BMPR1B: variants seen among roughly 807,000 people sequenced by gnomAD.
The protein encoded by BMPR1B is bone morphogenetic protein receptor type-1B.
Under a neutral mutation model 59.1 loss-of-function variants are expected in BMPR1B, and 12 were observed. The ratio of observed to expected loss-of-function variants is 0.20; its 90% CI spans 0.13 to 0.33. BMPR1B has a LOEUF of 0.33. Ranked by LOEUF, BMPR1B falls within the 10% of genes least tolerant of loss-of-function variation. The probability of loss-of-function intolerance (pLI) is 1.00; values close to 1 mark genes in which losing one functional copy is unlikely to be tolerated. For missense variants in BMPR1B, 550 were observed against 610.9 expected, an observed-to-expected ratio of 0.90 and a Z score of 1.05; for synonymous variants, 237 against 207.3, an observed-to-expected ratio of 1.14 and a Z score of -1.23.
Position 94,795,038 on chromosome 4 carries a change from C to G in BMPR1B, c.-183+36970C>G, listed in dbSNP as rs1481601024. 1.0e-4 allele frequency among the ~76,000 whole-genome samples: 14 copies of G among 139,702 alleles called. No homozygotes were observed. The East Asian group carries it at 2.9e-3, about 29-fold the overall frequency. 91.6% of individuals were successfully genotyped at this position (139,702 alleles called of 152,430 possible). ...CCTTCTCCTGCCTAATTGCCCTGGC[C>G]AGAACTTCCAACACTATGTTGAATA... On this transcript the variant is annotated intron_variant, in intron 1 of 12. Coordinates refer to ENST00000515059, the MANE Select transcript of BMPR1B (RefSeq NM_001203.3).
At chr4:94,865,975 GACAA>G (rs1460317660) in intron 1 of BMPR1B, among the ~76,000 whole-genome samples, 1 of 152,014 alleles carries the variant, frequency 6.6e-6, no homozygotes, top group Non-Finnish European at 1.5e-5. Flanking sequence ...TACCCCCCAA[GACAA>G]ACAAACAAGT....
At chr4:95,055,139 A>G (rs560350715) in intron 3 of BMPR1B, among the ~76,000 whole-genome samples, 20 of 152,216 alleles carry the variant, frequency 1.3e-4, no homozygotes, top group African/African-American at 4.8e-4. Flanking sequence ...ACCAGACCCA[A>G]GTCTCCATGG....
intron 1 of BMPR1B, among the ~76,000 whole-genome samples, chr4:94,842,758 T>G (rs1056790435): frequency 1.3e-5 from 2 of 152,198 alleles, no homozygotes; most frequent in African/African-American, 2.4e-5. Flanking sequence ...ATTGAACTCT[T>G]AACCCCAGGT....
intron 3 of BMPR1B, among the ~76,000 whole-genome samples, chr4:95,047,710 T>G (rs529146855): frequency 6.6e-6 from 1 of 152,200 alleles, no homozygotes; most frequent in South Asian, 2.1e-4. Context: ...ATATATAAAT[T>G]TTTTGAATTC....
intron 1 of BMPR1B, among the ~76,000 whole-genome samples, chr4:94,773,743 C>G (rs1287740984): frequency 6.6e-6 from 1 of 151,992 alleles, no homozygotes; most frequent in African/African-American, 2.4e-5. Flanking sequence ...CAAATTTTCA[C>G]TAATCAATAA....
intron 2 of BMPR1B, among the ~76,000 whole-genome samples, chr4:94,884,695 A>G (rs1727106169): frequency 6.6e-6 from 1 of 152,198 alleles, no homozygotes; most frequent in Admixed American, 6.5e-5. Context: ...TCAACTGCAA[A>G]CATACATTTT....
At chr4:95,107,036 G>A (rs1731244238) in intron 4 of BMPR1B, among the ~76,000 whole-genome samples, 1 of 151,796 alleles carries the variant, frequency 6.6e-6, no homozygotes, top group South Asian at 2.1e-4. Flanking sequence ...CTCTGACATT[G>A]AATTTTCCAA....
chr4:94,785,257 G>A (rs1352963357), intron 1 of BMPR1B, among the ~76,000 whole-genome samples: 3 of 152,074 alleles, frequency 2.0e-5, no homozygotes, highest in Non-Finnish European at 4.4e-5. Flanking sequence ...TTATTGACAT[G>A]TAAACTTGGC....
intron 2 of BMPR1B, among the ~76,000 whole-genome samples, chr4:94,948,537 A>G (rs977302334): frequency 3.9e-5 from 6 of 152,210 alleles, no homozygotes; most frequent in Non-Finnish European, 8.8e-5. Flanking sequence ...TATAAAGGCT[A>G]AAAGCAAGGA....
chr4:94,832,675 C>T (rs1578694261), intron 1 of BMPR1B, among the ~76,000 whole-genome samples: 1 of 152,172 alleles, frequency 6.6e-6, no homozygotes, highest in South Asian at 2.1e-4. Flanking sequence ...CCCAGCTACT[C>T]AGGAGGCTGA....
intron 1 of BMPR1B, among the ~76,000 whole-genome samples, chr4:94,857,611 A>G (rs1578727277): frequency 6.6e-6 from 1 of 152,208 alleles, no homozygotes; most frequent in Non-Finnish European, 1.5e-5. Context: ...CAAGGAGAAT[A>G]AATATATTAA....
chr4:95,141,442 C>T (rs555558469), intron 10 of BMPR1B, among the ~76,000 whole-genome samples: 88 of 152,084 alleles, frequency 5.8e-4, no homozygotes, highest in Non-Finnish European at 1.1e-3. Flanking sequence ...CTGAAAGGCT[C>T]CCAGGGAAGT....
At chr4:95,124,835 C>T in intron 7 of BMPR1B, 148 bp from the exon 8 acceptor site, 3 of 731,636 alleles carry the variant, frequency 4.1e-6, no homozygotes, top group Non-Finnish European at 4.5e-6. Flanking sequence ...ACTTGGGAAA[C>T]CATAACTAAG....
chr4:95,035,940 T>A (rs1242517337), intron 3 of BMPR1B, among the ~76,000 whole-genome samples: 1 of 152,200 alleles, frequency 6.6e-6, no homozygotes, highest in African/African-American at 2.4e-5. Context: ...TTTGTCTGTG[T>A]CATCTATGAT....
intron 3 of BMPR1B, among the ~76,000 whole-genome samples, chr4:95,061,316 T>C (rs1382276076): frequency 4.6e-5 from 7 of 152,114 alleles, no homozygotes; most frequent in African/African-American, 1.4e-4. Flanking sequence ...CCCCATTCCA[T>C]AATCCATGTC....
chr4:94,854,749 G>T (rs1725693895), intron 1 of BMPR1B, among the ~76,000 whole-genome samples: 1 of 152,124 alleles, frequency 6.6e-6, no homozygotes, highest in Non-Finnish European at 1.5e-5. Context: ...CTTGGCCCAT[G>T]AAAAGAAAGA....
chr4:95,141,231 CT>C (rs1475258835), intron 10 of BMPR1B, among the ~76,000 whole-genome samples: 1 of 152,104 alleles, frequency 6.6e-6, no homozygotes, highest in Non-Finnish European at 1.5e-5. Context: ...TTAAAACTTG[CT>C]TTATGTGTTT....
chr4:95,024,950 A>G (rs192784805), intron 3 of BMPR1B, among the ~76,000 whole-genome samples: 280 of 152,012 alleles, frequency 1.8e-3, no homozygotes, highest in African/African-American at 6.2e-3. Context: ...AAAATACAAA[A>G]GCTAGCTGGG....
chr4:94,975,367 T>TG (rs1730987118), intron 2 of BMPR1B, among the ~76,000 whole-genome samples: 2 of 140,932 alleles, frequency 1.4e-5, no homozygotes, highest in African/African-American at 2.7e-5. Context: ...GTTTTTGTTT[T>TG]TTTTTTTTTT....
Sources: allele counts gnomAD v4.1 joint callset (sites outside exome capture counted in the v4.1 genomes callset), GRCh38; gene constraint gnomAD v4.1.1; transcripts MANE v1.5; gene names NCBI Gene and HGNC (gene_info 2026-07-23, HGNC 2026-07-21).